Variants in OPCML observed in about 807,000 individuals in gnomAD.
OPCML encodes opioid-binding protein/cell adhesion molecule.
OPCML carries 13 observed loss-of-function variants against 37.8 expected under a neutral mutation model. The observed-to-expected ratio is 0.34, with a 90% CI of 0.22 to 0.55. The LOEUF is 0.55. OPCML is among the 20% of genes least tolerant of loss of function. The pLI is 0.91. For missense variants in OPCML, 341 were observed against 435.6 expected (o/e 0.78, Z 1.93); for synonymous variants, 176 against 168.8 (o/e 1.04, Z -0.33).
chr11:132,792,790 A>G (rs1938014967), intron 2 of OPCML, among the ~76,000 whole-genome samples: 1 of 152,158 alleles, frequency 6.6e-6, no homozygotes, highest in Non-Finnish European at 1.5e-5. Context: ...TGGCTCCCGC[A>G]GCCCCTGCCT....
intron 2 of OPCML, among the ~76,000 whole-genome samples, chr11:132,781,218 A>G (rs1946997852): frequency 6.6e-6 from 1 of 152,126 alleles, no homozygotes; most frequent in Admixed American, 6.5e-5. Flanking sequence ...TCCGGATAAG[A>G]CAAACTCTCG....
At chr11:133,284,153 G>T (rs912929226) in intron 1 of OPCML, among the ~76,000 whole-genome samples, 1 of 152,206 alleles carries the variant, frequency 6.6e-6, no homozygotes, top group Non-Finnish European at 1.5e-5. Flanking sequence ...AACCTGGTCT[G>T]TGCCAATCTA....
At chr11:133,503,396 C>T (rs1396168108) in intron 1 of OPCML, among the ~76,000 whole-genome samples, 1 of 152,160 alleles carries the variant, frequency 6.6e-6, no homozygotes, top group Non-Finnish European at 1.5e-5. Context: ...CCTCCCTCAC[C>T]CTCTGTGTTG....
At chr11:132,581,795 G>A (rs2096462524) in intron 3 of OPCML, among the ~76,000 whole-genome samples, 1 of 152,046 alleles carries the variant, frequency 6.6e-6, no homozygotes, top group African/African-American at 2.4e-5. Flanking sequence ...TGACTGCCAT[G>A]AGGTCTGGGG....
chr11:133,261,743 G>C (rs1565535685), intron 1 of OPCML, among the ~76,000 whole-genome samples: 3 of 152,188 alleles, frequency 2.0e-5, no homozygotes, highest in African/African-American at 4.8e-5. Flanking sequence ...GGAGGAGAGG[G>C]GGAGAGAGAA....
At chr11:132,583,419 C>G (rs1411748705) in intron 3 of OPCML, among the ~76,000 whole-genome samples, 3 of 152,076 alleles carry the variant, frequency 2.0e-5, no homozygotes, top group Non-Finnish European at 4.4e-5. Context: ...TCATCTCAGC[C>G]TCCTGAGAAA....
At chr11:132,550,503 C>T (rs1048455170) in intron 3 of OPCML, among the ~76,000 whole-genome samples, 3 of 152,146 alleles carry the variant, frequency 2.0e-5, no homozygotes, top group Non-Finnish European at 4.4e-5. Flanking sequence ...TCTCTGAGGC[C>T]TCCCCAAAAA....
At chr11:132,421,294 C>T (rs113377075) in intron 7 of OPCML, among the ~76,000 whole-genome samples, 1,996 of 152,246 alleles carry the variant, frequency 0.013, 19 homozygotes, top group Middle Eastern at 0.061. Context: ...AAAGCCATTA[C>T]GAGGCATTTC....
At chr11:133,095,969 A>G (rs1948995850) in intron 1 of OPCML, among the ~76,000 whole-genome samples, 1 of 152,056 alleles carries the variant, frequency 6.6e-6, no homozygotes, top group African/African-American at 2.4e-5. Context: ...AAAGGAAGTT[A>G]TTTAGAAATA....
At chr11:132,786,965 T>G (rs988930713) in intron 2 of OPCML, among the ~76,000 whole-genome samples, 7 of 152,128 alleles carry the variant, frequency 4.6e-5, no homozygotes, top group African/African-American at 1.7e-4. Context: ...TAGACCAGCC[T>G]AGTCTCCAAA....
At chr11:133,296,064 G>A (rs1942621303) in intron 1 of OPCML, among the ~76,000 whole-genome samples, 1 of 152,170 alleles carries the variant, frequency 6.6e-6, no homozygotes, top group Non-Finnish European at 1.5e-5. Flanking sequence ...GATGCTCCAT[G>A]TATTTAAACT....
rs559927218 is a variant in OPCML at position 132,984,277 on chromosome 11, T to A, written c.62-41267A>T. ...ACTTATTATTTTCTTAGAGTCCTTATAACTACTCGATAATTATTCATTTAA... is the reference window on the plus strand; with the variant it reads ...ACTTATTATTTTCTTAGAGTCCTTAAAACTACTCGATAATTATTCATTTAA... On this transcript the variant is annotated intron_variant, in intron 1 of 7. Coordinates refer to ENST00000524381, the MANE Select transcript of OPCML (RefSeq NM_001012393.5). Among the ~76,000 whole-genome samples the A allele has an allele frequency of 3.1e-3, 472 of 152,348 alleles. 2 individuals are homozygous for A. Among genetic ancestry groups the A allele is most frequent in the Non-Finnish European group, 5.3e-3 (361 of 68,028 alleles).
At chr11:132,738,926 C>A (rs973030091) in intron 2 of OPCML, among the ~76,000 whole-genome samples, 7 of 152,088 alleles carry the variant, frequency 4.6e-5, no homozygotes, top group Non-Finnish European at 1.5e-5. Context: ...CCAAAATATG[C>A]CACGTGGCAT....
chr11:132,462,073 G>A (rs559872942), intron 4 of OPCML, among the ~76,000 whole-genome samples: 1 of 152,194 alleles, frequency 6.6e-6, no homozygotes, highest in African/African-American at 2.4e-5. Context: ...TTTGAAATGG[G>A]GGCCAGTCTT....
chr11:133,316,198 A>T (rs1943200905), intron 1 of OPCML, among the ~76,000 whole-genome samples: 1 of 152,150 alleles, frequency 6.6e-6, no homozygotes, highest in South Asian at 2.1e-4. Flanking sequence ...GTATGCTCAG[A>T]TAGGAACAAG....
intron 3 of OPCML, among the ~76,000 whole-genome samples, chr11:132,593,598 G>A (rs1314803160): frequency 2.0e-5 from 3 of 152,176 alleles, no homozygotes; most frequent in Non-Finnish European, 4.4e-5. Context: ...CCAGCAGACT[G>A]AACAGATCAG....
At chr11:132,992,298 CAT>C (rs1332670819) in intron 1 of OPCML, among the ~76,000 whole-genome samples, 1 of 151,964 alleles carries the variant, frequency 6.6e-6, no homozygotes, top group East Asian at 1.9e-4. Context: ...CATCCGGACA[CAT>C]ATATTTCTTC....
chr11:132,520,674 A>ATC (rs10630619), intron 4 of OPCML, among the ~76,000 whole-genome samples: 3 of 128,020 alleles, frequency 2.3e-5, no homozygotes, highest in Non-Finnish European at 3.4e-5. Flanking sequence ...CTAAATATAT[A>ATC]TGTGTGTGTG....
rs3077742 is a variant in OPCML at position 132,932,691 on chromosome 11, T to TTATA, written c.146+10231_146+10234dup. Reference sequence around the variant, plus strand: ...AATTGTGAATTCAGTTATATATATATTATATATATATATATATATATACAA... The same window carrying TTATA: ...AATTGTGAATTCAGTTATATATATATTATATATATATATATATATATATATACAA... On this transcript the variant is annotated intron_variant, in intron 2 of 7. Transcript: ENST00000524381. Among the ~76,000 whole-genome samples, 357 of 143,650 alleles carry TTATA rather than the reference T, an allele frequency of 2.5e-3. 3 individuals carry two copies. Among genetic ancestry groups the TTATA allele is most frequent in the East Asian group, 5.8e-3 (29 of 4,962 alleles). 94.2% of individuals were successfully genotyped at this position (143,650 alleles called of 152,430 possible).
Sources: allele counts gnomAD v4.1 joint callset (sites outside exome capture counted in the v4.1 genomes callset), GRCh38; gene constraint gnomAD v4.1.1; transcripts MANE v1.5; gene names NCBI Gene and HGNC (gene_info 2026-07-23, HGNC 2026-07-21).